CSMD2: variants seen among roughly 807,000 people sequenced by gnomAD.
The protein encoded by CSMD2 is CUB and Sushi multiple domains 2.
A neutral mutation model predicts 398.5 loss-of-function variants in CSMD2; 130 were observed. The observed-to-expected ratio is 0.33, with a 90% CI of 0.28 to 0.38. The LOEUF (loss-of-function observed/expected upper bound fraction) is 0.38, where lower values mean the gene tolerates loss of function less well. Among genes scored for constraint, CSMD2 ranks in the 10% least tolerant of loss-of-function variants. CSMD2 has a pLI of 1.00. For synonymous variants in CSMD2, 1,828 were observed against 1,908.5 expected, an observed-to-expected ratio of 0.96 and a Z score of 1.10; for missense variants, 3,829 against 4,764.9, an observed-to-expected ratio of 0.80 and a Z score of 5.78.
rs1350668986 is a variant in CSMD2, at chr1:33,714,228, C to T, written c.3406+359G>A. ...CCCTCCTACAGGCCCACCTAGTGCC[C>T]ATCCAGATTCCTCGGTAAGAGGCAT... On this transcript the variant is annotated intron_variant, in intron 21 of 70. Coordinates refer to ENST00000373381, the MANE Select transcript of CSMD2 (RefSeq NM_001281956.2). Among the ~76,000 whole-genome samples, 6 of 152,356 alleles carry T rather than the reference C, an allele frequency of 3.9e-5. 1 individual carries two copies. The Middle Eastern group carries it at 0.01, about 259-fold the overall frequency.
chr1:34,152,557 T>A (rs544836977), intron 1 of CSMD2, among the ~76,000 whole-genome samples: 1 of 152,164 alleles, frequency 6.6e-6, no homozygotes, highest in Non-Finnish European at 1.5e-5. Flanking sequence ...CAGGAGCCCA[T>A]GCAGATGAAC....
chr1:33,882,191 T>G (rs1641282393), intron 5 of CSMD2: 1 of 152,230 alleles, frequency 6.6e-6, no homozygotes, highest in Admixed American at 6.5e-5. Flanking sequence ...GTTCAGTGAC[T>G]TGTCTAAGAT....
At chr1:33,809,437 T>C (rs1231627071) in intron 10 of CSMD2, among the ~76,000 whole-genome samples, 1 of 152,024 alleles carries the variant, frequency 6.6e-6, no homozygotes, top group African/African-American at 2.4e-5. Flanking sequence ...TATAGGAAGA[T>C]GCTTCATAAA....
chr1:34,020,170 C>T (rs1433774700), intron 3 of CSMD2, among the ~76,000 whole-genome samples: 1 of 152,150 alleles, frequency 6.6e-6, no homozygotes, highest in East Asian at 1.9e-4. Flanking sequence ...GACACATGAG[C>T]ACAGAGCTGA....
chr1:33,628,230 G>C (rs1642245883), intron 32 of CSMD2, among the ~76,000 whole-genome samples: 1 of 151,946 alleles, frequency 6.6e-6, no homozygotes, highest in Non-Finnish European at 1.5e-5. Context: ...ATGAAATTTG[G>C]GAAATTCTCT....
At chr1:33,925,755 G>A (rs964399111) in intron 4 of CSMD2, among the ~76,000 whole-genome samples, 7 of 152,040 alleles carry the variant, frequency 4.6e-5, no homozygotes, top group South Asian at 2.1e-4. Context: ...TGGAATACCC[G>A]ATGACTCACA....
At chr1:33,653,651 T>G (rs564061861) in intron 27 of CSMD2, among the ~76,000 whole-genome samples, 2 of 152,094 alleles carry the variant, frequency 1.3e-5, no homozygotes, top group Non-Finnish European at 2.9e-5. Flanking sequence ...TGGGGCAGCT[T>G]CCCCAGAGCC....
chr1:33,540,777 A>G (rs1656254368), intron 59 of CSMD2, 79 bp from the exon 60 acceptor site: 2 of 1,491,818 alleles, frequency 1.3e-6, no homozygotes, highest in African/African-American at 2.8e-5. Context: ...GATATCACCG[A>G]CTACCCTGCA....
At chr1:33,753,668 A>G (rs1307510532) in intron 13 of CSMD2, among the ~76,000 whole-genome samples, 3 of 152,232 alleles carry the variant, frequency 2.0e-5, no homozygotes, top group Non-Finnish European at 2.9e-5. Flanking sequence ...TGGAAAAGCA[A>G]CAGGTGTTCA....
In CSMD2 at chr1:34,032,518, T is replaced by C. The variant is rs898073764; in HGVS notation, c.517+76A>G. On this transcript the variant is annotated intron_variant, in intron 3 of 70. Coordinates refer to ENST00000373381, the MANE Select transcript of CSMD2 (RefSeq NM_001281956.2). Reference sequence around the variant, plus strand: ...TCTGAAGAACACTTCCCTGCATCTGTGAGCAATGCAGTCCTGCTTGTGGCT... The same window carrying C: ...TCTGAAGAACACTTCCCTGCATCTGCGAGCAATGCAGTCCTGCTTGTGGCT... 5.4e-6 allele frequency: 5 copies of C among 932,848 alleles called. No homozygotes were observed. The African/African-American group carries it at 6.9e-5, about 13-fold the overall frequency. The allele number at this position is 932,848 out of a possible 1,614,324, so 57.8% of individuals were successfully genotyped here.
intron 2 of CSMD2, among the ~76,000 whole-genome samples, chr1:34,084,238 A>T (rs1441212273): frequency 6.6e-6 from 1 of 152,172 alleles, no homozygotes; most frequent in Non-Finnish European, 1.5e-5. Flanking sequence ...CCACTTCTCC[A>T]GGTCATGGAA....
At chr1:33,723,784 C>G (rs1412936909) in intron 19 of CSMD2, among the ~76,000 whole-genome samples, 1 of 152,176 alleles carries the variant, frequency 6.6e-6, no homozygotes, top group Admixed American at 6.5e-5. Context: ...ACCTAATAGA[C>G]TATTAGAAGA....
chr1:34,128,077 G>A (rs977285904), intron 1 of CSMD2, among the ~76,000 whole-genome samples: 2 of 151,974 alleles, frequency 1.3e-5, no homozygotes, highest in East Asian at 1.9e-4. Context: ...CTCAGCAATC[G>A]GCCTCACCGA....
intron 27 of CSMD2, 101 bp from the exon 28 acceptor site, chr1:33,652,562 A>G: frequency 7.1e-7 from 1 of 1,404,400 alleles, no homozygotes; most frequent in Admixed American, 1.9e-5. Context: ...GCTGAGGCTG[A>G]CAGGCTGAAG....
chr1:34,163,487 A>T lies in CSMD2; in HGVS notation c.187+1424T>A, dbSNP rs1433498466. Among the ~76,000 whole-genome samples the T allele has an allele frequency of 6.6e-6, 1 of 152,028 alleles. No individual in the cohort carries two copies. Among genetic ancestry groups the T allele is most frequent in the African/African-American group, 2.4e-5 (1 of 41,400 alleles). Reference sequence around the variant, plus strand: ...ACATGCCGCGGTTAAGCGGTGGGCGACACGGTCTGCGAGGACAGACTCACA... The same window carrying T: ...ACATGCCGCGGTTAAGCGGTGGGCGTCACGGTCTGCGAGGACAGACTCACA... On this transcript the variant is annotated intron_variant, in intron 1 of 70. Transcript: ENST00000373381. This position sits in a 1 kb window ranked among gnomAD's most constrained non-coding sequence, Gnocchi z 5.4.
chr1:33,578,821 C>G (rs1299740089), intron 48 of CSMD2, among the ~76,000 whole-genome samples: 1 of 152,136 alleles, frequency 6.6e-6, no homozygotes, highest in African/African-American at 2.4e-5. Context: ...AGGTCCCCGG[C>G]CTCTTTCTTG....
chr1:33,792,910 A>G (rs921805597), intron 10 of CSMD2, among the ~76,000 whole-genome samples: 1 of 152,310 alleles, frequency 6.6e-6, no homozygotes, highest in South Asian at 2.1e-4. Flanking sequence ...TCTTGCCCCC[A>G]GGGACCTGCA....
intron 5 of CSMD2, among the ~76,000 whole-genome samples, chr1:33,891,451 G>A (rs1003283905): frequency 6.6e-6 from 1 of 151,178 alleles, no homozygotes; most frequent in African/African-American, 2.4e-5. Flanking sequence ...ACTGTTGGTG[G>A]GACTGTAAAC....
At chr1:34,050,824 G>C (rs1002470111) in intron 2 of CSMD2, among the ~76,000 whole-genome samples, 2 of 151,596 alleles carry the variant, frequency 1.3e-5, no homozygotes, top group African/African-American at 4.9e-5. Flanking sequence ...CTCCCACCAG[G>C]TGTCACAACA....
Sources: allele counts gnomAD v4.1 joint callset (sites outside exome capture counted in the v4.1 genomes callset), GRCh38; gene constraint gnomAD v4.1.1; non-coding constraint Gnocchi (gnomAD v3.1); transcripts MANE v1.5; gene names NCBI Gene and HGNC (gene_info 2026-07-23, HGNC 2026-07-21).